Variants in EBF1 observed in about 807,000 individuals in gnomAD.
EBF1 encodes the protein EBF transcription factor 1, also known as transcription factor COE1.
A neutral mutation model predicts 68.4 loss-of-function variants in EBF1; 10 were observed. The ratio of observed to expected loss-of-function variants is 0.15; its 90% confidence interval spans 0.09 to 0.25. The LOEUF (loss-of-function observed/expected upper bound fraction) is 0.25, where lower values mean the gene tolerates loss of function less well. EBF1 is among the 10% of genes least tolerant of loss of function. The pLI is 1.00. For synonymous variants in EBF1, 298 were observed against 299.8 expected (o/e 0.99, Z 0.06); for missense variants, 509 against 794.4 (o/e 0.64, Z 4.32).
At chr5:158,819,845 A>G (rs919249820) in intron 8 of EBF1, among the ~76,000 whole-genome samples, 2 of 152,332 alleles carry the variant, frequency 1.3e-5, no homozygotes, top group African/African-American at 4.8e-5. Flanking sequence ...GAATGAAGAG[A>G]AAGTACGGGG....
At chr5:158,959,293 ATT>A (rs11404732) in intron 6 of EBF1, among the ~76,000 whole-genome samples, 15 of 144,658 alleles carry the variant, frequency 1.0e-4, no homozygotes, top group Admixed American at 5.5e-4. Flanking sequence ...CTACTTAAGA[ATT>A]TTTTTTTTTT....
chr5:158,964,791 T>A (rs958647048), intron 6 of EBF1, among the ~76,000 whole-genome samples: 6 of 152,208 alleles, frequency 3.9e-5, no homozygotes, highest in African/African-American at 1.4e-4. Flanking sequence ...CTTGGTACAG[T>A]GTTTACTCCA....
At chr5:158,779,911 T>G (rs1306619728) in intron 9 of EBF1, among the ~76,000 whole-genome samples, 7 of 152,150 alleles carry the variant, frequency 4.6e-5, no homozygotes, top group African/African-American at 7.2e-5. Context: ...CATTTTCAAT[T>G]TTAATTAATT....
chr5:158,934,481 G>A (rs1561553931), intron 6 of EBF1, among the ~76,000 whole-genome samples: 1 of 152,160 alleles, frequency 6.6e-6, no homozygotes, highest in Admixed American at 6.6e-5. Context: ...AAGATCTTGG[G>A]ACTGACCTTT....
At chr5:158,848,531 CA>C (rs1360363852) in intron 6 of EBF1, among the ~76,000 whole-genome samples, 1 of 152,126 alleles carries the variant, frequency 6.6e-6, no homozygotes, top group African/African-American at 2.4e-5. Flanking sequence ...GTAACAGAAC[CA>C]ACCCAAATAT....
At position 158,875,056 on chromosome 5, in the gene EBF1, TACAC is replaced by T. The variant is rs3035121; in HGVS notation, c.555-34950_555-34947del. Reference sequence around the variant, plus strand: ...ACACACACAAGCACACACACACACATACACACACACACACACACACACACACACA... The same window carrying T: ...ACACACACAAGCACACACACACACATACACACACACACACACACACACACA... On this transcript the variant is annotated intron_variant, in intron 6 of 15. Coordinates refer to ENST00000313708, the MANE Select transcript of EBF1 (RefSeq NM_024007.5). Among the ~76,000 whole-genome samples, 471 of 147,386 alleles carry T rather than the reference TACAC, an allele frequency of 3.2e-3. 2 individuals carry two copies. Among genetic ancestry groups the T allele is most frequent in the African/African-American group, 6.1e-3 (245 of 39,920 alleles).
At chr5:158,985,695 C>T (rs1273193313) in intron 6 of EBF1, 1 of 152,192 alleles carries the variant, frequency 6.6e-6, no homozygotes, top group East Asian at 1.9e-4. Flanking sequence ...GTGACATCTC[C>T]CAAATCACTA....
chr5:159,044,658 A>G (rs914383379), intron 6 of EBF1, among the ~76,000 whole-genome samples: 2 of 152,330 alleles, frequency 1.3e-5, no homozygotes, highest in South Asian at 2.1e-4. Context: ...ATATTCTTCT[A>G]AAGTGCAGGT....
intron 9 of EBF1, among the ~76,000 whole-genome samples, chr5:158,793,072 A>G (rs571004673): frequency 2.2e-4 from 33 of 152,336 alleles, no homozygotes; most frequent in African/African-American, 6.5e-4. Context: ...TTCAAGTCCC[A>G]TCTCTCTACC....
intron 6 of EBF1, among the ~76,000 whole-genome samples, chr5:158,953,706 G>A (rs1452258008): frequency 6.6e-6 from 1 of 152,176 alleles, no homozygotes; most frequent in Non-Finnish European, 1.5e-5. Context: ...GTGCATGAAA[G>A]CTTGAGAGAT....
At chr5:158,857,288 A>G (rs748676037) in intron 6 of EBF1, among the ~76,000 whole-genome samples, 7 of 151,690 alleles carry the variant, frequency 4.6e-5, no homozygotes, top group Non-Finnish European at 8.8e-5. Flanking sequence ...CCATCCATCA[A>G]ATATCACATG....
intron 6 of EBF1, among the ~76,000 whole-genome samples, chr5:159,010,024 A>G (rs1764310196): frequency 6.6e-6 from 1 of 152,252 alleles, no homozygotes; most frequent in South Asian, 2.1e-4. Flanking sequence ...TACCAAATAC[A>G]GGCTTGACAC....
chr5:158,819,425 G>A (rs1327992650), intron 8 of EBF1, among the ~76,000 whole-genome samples: 4 of 152,220 alleles, frequency 2.6e-5, no homozygotes, highest in Non-Finnish European at 5.9e-5. Flanking sequence ...ACAGTGTTGT[G>A]AGGGCACCGC....
intron 6 of EBF1, among the ~76,000 whole-genome samples, chr5:158,902,899 G>T (rs1803753505): frequency 1.3e-5 from 2 of 152,218 alleles, no homozygotes; most frequent in African/African-American, 4.8e-5. Flanking sequence ...GACAGGTGCG[G>T]TTAGAGACTT....
intron 6 of EBF1, among the ~76,000 whole-genome samples, chr5:158,897,767 C>A (rs1802458775): frequency 6.6e-6 from 1 of 152,152 alleles, no homozygotes; most frequent in South Asian, 2.1e-4. Flanking sequence ...GCCACTGCCC[C>A]CACAGCTGTT....
chr5:159,036,311 G>A (rs1770046863), intron 6 of EBF1, among the ~76,000 whole-genome samples: 1 of 151,952 alleles, frequency 6.6e-6, no homozygotes, highest in South Asian at 2.1e-4. Context: ...CTACTTTAAA[G>A]TTCATATGGA....
At chr5:158,827,228 C>T (rs748741038) in intron 7 of EBF1, among the ~76,000 whole-genome samples, 10 of 152,010 alleles carry the variant, frequency 6.6e-5, no homozygotes, top group Non-Finnish European at 1.0e-4. Context: ...TCTTAATGAC[C>T]GTAAAGAAGA....
chr5:158,838,788 G>T (rs562172675), intron 7 of EBF1, among the ~76,000 whole-genome samples: 1 of 152,288 alleles, frequency 6.6e-6, no homozygotes, highest in South Asian at 2.1e-4. Flanking sequence ...ATACTTAAGA[G>T]CATACTTTAA....
chr5:158,761,336 G>A (rs1438112904), intron 10 of EBF1, among the ~76,000 whole-genome samples: 1 of 152,166 alleles, frequency 6.6e-6, no homozygotes, highest in Non-Finnish European at 1.5e-5. Context: ...CTCCAAGCTT[G>A]ATTATTTCGA....
Sources: gnomAD v4.1 joint callset for allele counts (sites outside exome capture counted in the v4.1 genomes callset) on GRCh38, gnomAD v4.1.1 for gene constraint, MANE v1.5 for transcripts, NCBI Gene and HGNC (gene_info 2026-07-23, HGNC 2026-07-21) for gene names.